CD226: variants seen among roughly 807,000 people sequenced by gnomAD.
The protein encoded by CD226 is CD226 molecule, also known as CD226 antigen.
In CD226, 24 loss-of-function variants were observed where a neutral mutation model predicts 34.9. The observed-to-expected ratio is 0.69, with a 90% CI of 0.50 to 0.97. The LOEUF (loss-of-function observed/expected upper bound fraction) is 0.97. CD226 is among the 50% of genes least tolerant of loss of function. CD226 has a pLI of 0.00. For missense variants in CD226, 397 were observed against 412.7 expected (o/e 0.96, Z 0.33); for synonymous variants, 148 against 147.4 (o/e 1.00, Z -0.03).
chr18:69,938,088 A>G (rs2055677297), intron 2 of CD226, among the ~76,000 whole-genome samples: 1 of 152,222 alleles, frequency 6.6e-6, no homozygotes, highest in South Asian at 2.1e-4. Context: ...AGACTCTTAA[A>G]GGGAAACAGT....
intron 3 of CD226, among the ~76,000 whole-genome samples, chr18:69,888,415 TC>T: frequency 9.9e-6 from 1 of 101,182 alleles, no homozygotes; most frequent in African/African-American, 3.2e-5. Flanking sequence ...TTTTCCTTTC[TC>T]TTTTTTTTTT....
chr18:69,903,555 C>A (rs141092154), intron 2 of CD226, among the ~76,000 whole-genome samples: 25 of 152,172 alleles, frequency 1.6e-4, no homozygotes, highest in African/African-American at 6.0e-4. Context: ...GGAAATAGGG[C>A]TGTTGCAGAT....
At chr18:69,880,797 G>A (rs938850371) in intron 3 of CD226, among the ~76,000 whole-genome samples, 9 of 151,608 alleles carry the variant, frequency 5.9e-5, no homozygotes, top group Non-Finnish European at 2.9e-5. Context: ...GACTACAGGC[G>A]CCCGCCACAA....
intron 2 of CD226, among the ~76,000 whole-genome samples, chr18:69,917,740 A>C (rs2055403015): frequency 6.6e-6 from 1 of 152,302 alleles, no homozygotes; most frequent in South Asian, 2.1e-4. Flanking sequence ...TATGTGTATA[A>C]ATATATCTTT....
chr18:69,954,024 C>A (rs1281222156), intron 1 of CD226, among the ~76,000 whole-genome samples: 1 of 151,330 alleles, frequency 6.6e-6, no homozygotes. Context: ...AAAGTTTAAT[C>A]TTATGTTGAC....
At chr18:69,949,941 C>T (rs1175179510), upstream of CD226, among the ~76,000 whole-genome samples, 5 of 152,202 alleles carry the variant, frequency 3.3e-5, no homozygotes, top group Admixed American at 3.3e-4. Flanking sequence ...CATCCACACA[C>T]ACGCATGCAC....
Position 69,854,823 on chromosome 18 carries a change from T to C in CD226, c.*9491A>G, listed in dbSNP as rs973302313. On this transcript the variant is annotated 3_prime_UTR_variant, in exon 6 of 6. Coordinates refer to ENST00000582621, the MANE Select transcript of CD226 (RefSeq NM_001303618.2). The stretch of plus-strand genomic sequence containing the variant: ...CAGAGCACTCTCCTTTCCCACAGCT[T>C]AGTACTACACCAACAGGGCTCCAGT... The C allele has an allele frequency of 1.3e-5, 2 of 152,252 alleles. No homozygotes were observed. Among genetic ancestry groups the C allele is most frequent in the African/African-American group, 4.8e-5 (2 of 41,442 alleles). 9.4% of individuals were successfully genotyped at this position (152,252 alleles called of 1,614,324 possible).
At chr18:69,931,267 G>T (rs1037026645) in intron 2 of CD226, among the ~76,000 whole-genome samples, 2 of 151,932 alleles carry the variant, frequency 1.3e-5, no homozygotes, top group Admixed American at 6.6e-5. Context: ...AGCATTAGGA[G>T]ATATACCTAA....
intron 3 of CD226, among the ~76,000 whole-genome samples, chr18:69,878,472 T>C (rs1305154600): frequency 6.6e-6 from 1 of 151,390 alleles, no homozygotes; most frequent in East Asian, 1.9e-4. Flanking sequence ...AGTCCCTTCT[T>C]CCCTCAGAGT....
intron 5 of CD226, among the ~76,000 whole-genome samples, chr18:69,865,879 G>A (rs187263485): frequency 6.6e-6 from 1 of 152,290 alleles, no homozygotes; most frequent in Admixed American, 6.5e-5. Flanking sequence ...TTTTGGCTAG[G>A]AATTGGGGAA....
intron 2 of CD226, among the ~76,000 whole-genome samples, chr18:69,936,017 C>T (rs2055648180): frequency 6.6e-6 from 1 of 152,022 alleles, no homozygotes; most frequent in Non-Finnish European, 1.5e-5. Context: ...TCAGAAGTGT[C>T]AAAGACTGGG....
At chr18:69,943,254 T>C (rs950372475) in intron 2 of CD226, among the ~76,000 whole-genome samples, 1 of 152,130 alleles carries the variant, frequency 6.6e-6, no homozygotes, top group Non-Finnish European at 1.5e-5. Flanking sequence ...ATTTTGGGGG[T>C]ATTTCTGTAA....
chr18:69,946,703 G>A, intron 2 of CD226, 31 bp downstream of exon 2: 2 of 1,405,846 alleles, frequency 1.4e-6, no homozygotes, highest in South Asian at 2.6e-5. Flanking sequence ...GGATAAAAAG[G>A]GATTTAAAAA....
At chr18:69,940,973 G>A (rs987877008) in intron 2 of CD226, among the ~76,000 whole-genome samples, 1 of 152,168 alleles carries the variant, frequency 6.6e-6, no homozygotes, top group African/African-American at 2.4e-5. Flanking sequence ...ACTGCATATG[G>A]TGCCCTATGT....
intron 2 of CD226, among the ~76,000 whole-genome samples, chr18:69,901,410 T>C (rs746545436): frequency 4.6e-5 from 7 of 152,202 alleles, no homozygotes; most frequent in Non-Finnish European, 7.3e-5. Flanking sequence ...GATGACTTAA[T>C]GGCTGGAATT....
At chr18:69,893,892 G>A (rs1985048985) in intron 3 of CD226, among the ~76,000 whole-genome samples, 1 of 152,232 alleles carries the variant, frequency 6.6e-6, no homozygotes, top group Non-Finnish European at 1.5e-5. Context: ...TATAGTGGAA[G>A]CTTCTGTTTA....
intron 4 of CD226, among the ~76,000 whole-genome samples, chr18:69,868,803 G>GCGCACA (rs113731126): frequency 2.6e-4 from 39 of 151,014 alleles, no homozygotes; most frequent in Admixed American, 5.9e-4. Context: ...GCGCGTGCAC[G>GCGCACA]CACACACACA....
chr18:69,892,713 G>A (rs1159234192), intron 3 of CD226, among the ~76,000 whole-genome samples: 3 of 152,110 alleles, frequency 2.0e-5, no homozygotes, highest in Non-Finnish European at 4.4e-5. Context: ...GTCTGAAGAT[G>A]AATGCAGGCA....
intron 2 of CD226, among the ~76,000 whole-genome samples, chr18:69,938,655 A>G (rs1568203754): frequency 6.6e-6 from 1 of 152,184 alleles, no homozygotes; most frequent in Non-Finnish European, 1.5e-5. Context: ...TAGTCCTTGG[A>G]TCATAAAAAT....
Sources: gnomAD v4.1 joint callset for allele counts (sites outside exome capture counted in the v4.1 genomes callset) on GRCh38, gnomAD v4.1.1 for gene constraint, MANE v1.5 for transcripts, NCBI Gene and HGNC (gene_info 2026-07-23, HGNC 2026-07-21) for gene names.